KCNT2: variants seen among roughly 807,000 people sequenced by gnomAD.
KCNT2 encodes the protein potassium channel subfamily T member 2.
KCNT2 carries 67 observed loss-of-function variants against 153.8 expected under a neutral mutation model. The ratio of observed to expected loss-of-function variants is 0.44; its 90% CI spans 0.36 to 0.53. The LOEUF is 0.53. KCNT2 is among the 20% of genes least tolerant of loss of function. KCNT2 has a pLI of 0.00. For synonymous variants in KCNT2, 500 were observed against 458.8 expected, an observed-to-expected ratio of 1.09 and a Z score of -1.15; for missense variants, 975 against 1,354.8, an observed-to-expected ratio of 0.72 and a Z score of 4.40.
intron 12 of KCNT2, among the ~76,000 whole-genome samples, chr1:196,414,068 C>T (rs1054153071): frequency 2.0e-5 from 3 of 151,368 alleles, no homozygotes; most frequent in Non-Finnish European, 3.0e-5. Context: ...TGTACCATAC[C>T]AAGGAACATC....
chr1:196,430,600 G>A (rs1381670916), intron 8 of KCNT2, among the ~76,000 whole-genome samples: 1 of 151,848 alleles, frequency 6.6e-6, no homozygotes, highest in African/African-American at 2.4e-5. Context: ...CCAGTTTCAG[G>A]TATTATTTTA....
intron 19 of KCNT2, among the ~76,000 whole-genome samples, chr1:196,320,893 G>A (rs1572029139): frequency 1.3e-5 from 2 of 150,558 alleles, no homozygotes; most frequent in South Asian, 4.2e-4. Context: ...TTTTTTCTGT[G>A]AAATACTGCA....
At chr1:196,541,973 AG>A in intron 1 of KCNT2, among the ~76,000 whole-genome samples, 1 of 152,058 alleles carries the variant, frequency 6.6e-6, no homozygotes, top group East Asian at 1.9e-4. Flanking sequence ...CAAGGTGTCT[AG>A]CACCTAAAAA....
At chr1:196,389,463 A>G (rs896963542) in intron 13 of KCNT2, among the ~76,000 whole-genome samples, 2 of 151,634 alleles carry the variant, frequency 1.3e-5, no homozygotes, top group African/African-American at 4.8e-5. Flanking sequence ...TGATATGTCT[A>G]GTCATTTCAA....
chr1:196,461,197 A>C (rs1677119589), intron 8 of KCNT2, among the ~76,000 whole-genome samples: 1 of 151,046 alleles, frequency 6.6e-6, no homozygotes, highest in Non-Finnish European at 1.5e-5. Flanking sequence ...CAAGAACTTA[A>C]GCATCCAGTG....
At position 196,492,423 on chromosome 1, in the gene KCNT2, A is replaced by G. The variant is rs1192485256; in HGVS notation, c.96-82T>C. 29 of 1,024,846 alleles carry G rather than the reference A, an allele frequency of 2.8e-5. No homozygotes were observed. In the East Asian group the frequency reaches 1.1e-3, roughly 39 times the overall value. The allele number at this position is 1,024,846 out of a possible 1,614,324, so 63.5% of individuals were successfully genotyped here. A position where few individuals can be genotyped will look rare whatever the true frequency, so the allele number is the denominator to read the frequency against. ...CATGAAGATCAACAAATATAAATTG[A>G]TCTGTAGTTCTCTAACTTAAAGAAT... On this transcript the variant is annotated intron_variant, in intron 1 of 27. Coordinates refer to ENST00000294725, the MANE Select transcript of KCNT2 (RefSeq NM_198503.5).
At chr1:196,319,419 G>T in intron 20 of KCNT2, 65 bp downstream of exon 20, 1 of 1,034,882 alleles carries the variant, frequency 9.7e-7, no homozygotes, top group Non-Finnish European at 1.5e-6. Context: ...GCAGTAACAA[G>T]GCACAGCACA....
rs1440264821 is a variant in KCNT2 at position 196,280,973 on chromosome 1, C to T, written c.2797G>A (p.Asp933Asn). ...GFLCSMKITA[D>N]DLWIRTYARL... ...GCATAAGTTCTGATCCATAAGTCAT[C>T]TGCAGTGATTTTCATCTATAACACA... Residue 933 changes from aspartate to asparagine, a missense_variant, in exon 25 of 28, where the codon GAT (aspartate) becomes AAT (asparagine). Coordinates refer to ENST00000294725, the MANE Select transcript of KCNT2 (RefSeq NM_198503.5). 16 of 1,610,834 alleles carry T rather than the reference C, an allele frequency of 9.9e-6. No homozygotes were observed. In the South Asian group the frequency reaches 1.2e-4, roughly 12 times the overall value.
chr1:196,589,053 A>G (rs1663025481), intron 1 of KCNT2, among the ~76,000 whole-genome samples: 1 of 152,022 alleles, frequency 6.6e-6, no homozygotes, highest in South Asian at 2.1e-4. Context: ...AATTAAATAA[A>G]CACGATATAT....
intron 5 of KCNT2, among the ~76,000 whole-genome samples, chr1:196,470,876 C>CTTTTT (rs71154745): frequency 2.6e-5 from 2 of 75,868 alleles, no homozygotes; most frequent in Admixed American, 1.5e-4. Context: ...TTCTTTCTTT[C>CTTTTT]TTTTTTTTTT....
intron 1 of KCNT2, among the ~76,000 whole-genome samples, chr1:196,546,519 C>A (rs1016910614): frequency 1.3e-5 from 2 of 151,912 alleles, no homozygotes; most frequent in Non-Finnish European, 2.9e-5. Flanking sequence ...CTGCTTATAC[C>A]CTGTGGCACC....
chr1:196,314,500 A>C (rs2148014281), intron 21 of KCNT2, among the ~76,000 whole-genome samples: 1 of 151,850 alleles, frequency 6.6e-6, no homozygotes, highest in Middle Eastern at 3.4e-3. Flanking sequence ...CTATATTCTA[A>C]GTGAACTGCT....
chr1:196,462,452 T>C (rs535426199), intron 8 of KCNT2, among the ~76,000 whole-genome samples: 14 of 151,878 alleles, frequency 9.2e-5, no homozygotes, highest in Admixed American at 5.3e-4. Context: ...TGTTTTCTTA[T>C]ATTTTCTGTT....
At chr1:196,573,077 T>G (rs933270154) in intron 1 of KCNT2, among the ~76,000 whole-genome samples, 1 of 152,136 alleles carries the variant, frequency 6.6e-6, no homozygotes, top group Admixed American at 6.6e-5. Flanking sequence ...GGCCATGTCT[T>G]TCCTAATGAG....
intron 1 of KCNT2, among the ~76,000 whole-genome samples, chr1:196,540,880 CATGGTGAAACCCTGTCT>C (rs1656264728): frequency 6.6e-6 from 1 of 152,024 alleles, no homozygotes; most frequent in Non-Finnish European, 1.5e-5. Flanking sequence ...TCCTGGCTAA[CATGGTGAAACCCTGTCT>C]CTACTAAAAA....
intron 1 of KCNT2, among the ~76,000 whole-genome samples, chr1:196,596,052 A>ATG (rs539625001): frequency 1.0e-4 from 1 of 9,804 alleles, no homozygotes; most frequent in African/African-American, 1.2e-4. Context: ...GTATTCCATG[A>ATG]TGTGTATATA....
At chr1:196,481,084 A>T (rs1678985417) in intron 4 of KCNT2, among the ~76,000 whole-genome samples, 1 of 152,144 alleles carries the variant, frequency 6.6e-6, no homozygotes, top group African/African-American at 2.4e-5. Flanking sequence ...AATTAATATG[A>T]TATTGCAACA....
At position 196,292,571 on chromosome 1, in the gene KCNT2, C is replaced by G. The variant is rs924586438; in HGVS notation, c.2596-6813G>C. Among the ~76,000 whole-genome samples the G allele has an allele frequency of 2.0e-5, 3 of 152,104 alleles. No homozygotes were observed. In the East Asian group the frequency reaches 5.8e-4, roughly 29 times the overall value. ...CCTGTAATCCCAGCACTTTGGGAGGCCGAGGCGGGCGGATCACAAGGTCAG... is the reference window on the plus strand; with the variant it reads ...CCTGTAATCCCAGCACTTTGGGAGGGCGAGGCGGGCGGATCACAAGGTCAG... On this transcript the variant is annotated intron_variant, in intron 22 of 27. Transcript: ENST00000294725.
intron 1 of KCNT2, among the ~76,000 whole-genome samples, chr1:196,563,585 GCA>G (rs1659713672): frequency 6.6e-6 from 1 of 151,484 alleles, no homozygotes; most frequent in Non-Finnish European, 1.5e-5. Flanking sequence ...GAAAATTTTA[GCA>G]TAATATGTAT....
Sources: allele counts gnomAD v4.1 joint callset (sites outside exome capture counted in the v4.1 genomes callset), GRCh38; gene constraint gnomAD v4.1.1; transcripts MANE v1.5; gene names NCBI Gene and HGNC (gene_info 2026-07-23, HGNC 2026-07-21).